Variants in RREB1 observed in about 807,000 individuals in gnomAD.
RREB1 encodes ras responsive element binding protein 1, also known as ras-responsive element-binding protein 1.
A neutral mutation model predicts 117.8 loss-of-function variants in RREB1; 27 were observed. That is an observed-to-expected ratio of 0.23 (90% confidence interval 0.17 to 0.32). The LOEUF is 0.32. Ranked by LOEUF, RREB1 falls within the 10% of genes least tolerant of loss-of-function variation. The probability of loss-of-function intolerance (pLI) is 1.00; values close to 1 mark genes in which losing one functional copy is unlikely to be tolerated. For missense variants in RREB1, 2,577 were observed against 2,378.2 expected (o/e 1.08, Z -1.74); for synonymous variants, 1,298 against 1,026.7 (o/e 1.26, Z -5.05).
At chr6:7,119,324 C>T (rs1010666187) in intron 1 of RREB1, among the ~76,000 whole-genome samples, 3 of 151,924 alleles carry the variant, frequency 2.0e-5, no homozygotes, top group African/African-American at 7.3e-5. Context: ...CGTTCCAGCT[C>T]GGGTGACAGA....
chr6:7,194,688 A>T (rs983720505), intron 6 of RREB1, among the ~76,000 whole-genome samples: 1 of 152,142 alleles, frequency 6.6e-6, no homozygotes, highest in Non-Finnish European at 1.5e-5. Flanking sequence ...AAATCTCTTA[A>T]ATTTTTGACA....
intron 1 of RREB1, among the ~76,000 whole-genome samples, chr6:7,132,355 G>A (rs1486304936): frequency 4.3e-5 from 5 of 117,572 alleles, no homozygotes; most frequent in African/African-American, 1.3e-4. Context: ...GTGCCCAGCC[G>A]AGATTGGGTT....
intron 11 of RREB1, among the ~76,000 whole-genome samples, chr6:7,240,921 G>C (rs1768668668): frequency 6.6e-6 from 1 of 152,156 alleles, no homozygotes; most frequent in Non-Finnish European, 1.5e-5. Context: ...GGGATGTATG[G>C]GAAGGCTTAC....
At chr6:7,217,954 G>T (rs3812172) in intron 8 of RREB1, 2 of 151,980 alleles carry the variant, frequency 1.3e-5, no homozygotes, top group African/African-American at 4.8e-5. Flanking sequence ...TCTAGTTTTC[G>T]CTTTTGTAAA....
chr6:7,173,961 G>C (rs1357427341), intron 1 of RREB1, among the ~76,000 whole-genome samples: 3 of 152,032 alleles, frequency 2.0e-5, no homozygotes, highest in Non-Finnish European at 4.4e-5. Context: ...CCCGGGGCTT[G>C]GGGGCTGGCC....
rs1195479865 is a variant in RREB1, at chr6:7,229,374, A to G, written c.1275A>G (p.Thr425=). 3.1e-6 allele frequency: 5 copies of G among 1,614,090 alleles called. No individual in the cohort carries two copies. In the East Asian group the frequency reaches 1.1e-4, roughly 36 times the overall value. Reference sequence around the variant, plus strand: ...CTGCTTCCCTAGGCGGTTCTCTCACAGTTCTCCCCGCGACCAAGGACAGCA... The same window carrying G: ...CTGCTTCCCTAGGCGGTTCTCTCACGGTTCTCCCCGCGACCAAGGACAGCA... ...FEAASLGGSL[T]VLPATKDSIK... The change falls in exon 10 of 13, where the codon ACA becomes ACG. Residue 425 remains threonine, a synonymous_variant. Coordinates refer to ENST00000379938, the MANE Select transcript of RREB1 (RefSeq NM_001003699.4). This position sits in a 1 kb window ranked among gnomAD's most constrained non-coding sequence, Gnocchi z 4.5.
chr6:7,194,684 C>T (rs909973706), intron 6 of RREB1, among the ~76,000 whole-genome samples: 29 of 152,164 alleles, frequency 1.9e-4, no homozygotes, highest in African/African-American at 6.5e-4. Flanking sequence ...GTGGAAATCT[C>T]TTAAATTTTT....
At chr6:7,140,156 G>A (rs971071389) in intron 1 of RREB1, among the ~76,000 whole-genome samples, 2 of 152,160 alleles carry the variant, frequency 1.3e-5, no homozygotes, top group African/African-American at 4.8e-5. Flanking sequence ...GCCACACGGC[G>A]TCTTTGCCAG....
At chr6:7,232,056 T>C (rs943663672) in intron 10 of RREB1, 149 bp downstream of exon 10, 2 of 805,432 alleles carry the variant, frequency 2.5e-6, no homozygotes, top group African/African-American at 3.5e-5. Context: ...CGAGCTTGTC[T>C]GGTGGTGCTG....
At chr6:7,132,821 GTAAGTGAC>G (rs1762207292) in intron 1 of RREB1, among the ~76,000 whole-genome samples, 1 of 106,590 alleles carries the variant, frequency 9.4e-6, no homozygotes, top group African/African-American at 2.9e-5. Context: ...TCAACATTCA[GTAAGTGAC>G]TGTGTTTGTT....
Position 7,231,117 on chromosome 6 carries a change from G to A in RREB1, c.3018G>A (p.Gln1006=). 1 of 1,612,820 alleles carries A rather than the reference G, an allele frequency of 6.2e-7. No homozygotes were observed. The highest frequency in any genetic ancestry group is 8.5e-7 in the Non-Finnish European group (1 of 1,179,950). ...CGGCCACCCCGGAACCCCCAGCACA[G>A]CCCCTGCAGGGCCCTGTTCAGCTGG... is the stretch of plus-strand genomic sequence containing the variant. ...APAATPEPPA[Q]PLQGPVQLAV... The change falls in exon 10 of 13, where the codon CAG becomes CAA. Residue 1006 remains glutamine (Q), a synonymous_variant. Coordinates refer to ENST00000379938, the MANE Select transcript of RREB1 (RefSeq NM_001003699.4).
chr6:7,179,685 TTG>T lies in RREB1; in HGVS notation c.-165-1433_-165-1432del, dbSNP rs572335238. On this transcript the variant is annotated intron_variant, in intron 2 of 12. Transcript: ENST00000379938. ...TTTTTAGTAGTCCATTAAGAAAAAATTGTGTGTACACACTCATGTATGCACTT... is the reference window on the plus strand; with the variant it reads ...TTTTTAGTAGTCCATTAAGAAAAAATTGTGTACACACTCATGTATGCACTT... 3.5e-3 allele frequency among the ~76,000 whole-genome samples: 534 copies of T among 152,318 alleles called. 5 individuals carry two copies. Among genetic ancestry groups the T allele is most frequent in the Non-Finnish European group, 4.1e-3 (276 of 68,026 alleles).
intron 8 of RREB1, among the ~76,000 whole-genome samples, chr6:7,222,880 C>G (rs1285345471): frequency 6.6e-6 from 1 of 152,132 alleles, no homozygotes; most frequent in African/African-American, 2.4e-5. Flanking sequence ...ATTCTCCATT[C>G]CCTTCATAAA....
At chr6:7,238,163 T>G (rs1405261441) in intron 10 of RREB1, among the ~76,000 whole-genome samples, 1 of 152,250 alleles carries the variant, frequency 6.6e-6, no homozygotes, top group African/African-American at 2.4e-5. Flanking sequence ...CAATAAAATG[T>G]TAAAAGTACT....
In RREB1 at chr6:7,248,953, C is replaced by T. The variant is rs886371948; in HGVS notation, c.5214C>T (p.Leu1738=). ...ILATADGASQ[L]VGME Reference sequence around the variant, plus strand: ...CCACAGCTGATGGCGCCTCCCAGCTCGTGGGGATGGAGTGACAGCCTCAGT... The same window carrying T: ...CCACAGCTGATGGCGCCTCCCAGCTTGTGGGGATGGAGTGACAGCCTCAGT... The change falls in exon 13 of 13, where the codon CTC becomes CTT. Residue 1738 remains leucine, a synonymous_variant. Coordinates refer to ENST00000379938, the MANE Select transcript of RREB1 (RefSeq NM_001003699.4). The T allele has an allele frequency of 8.1e-6, 12 of 1,486,836 alleles. No individual in the cohort carries two copies. The highest frequency in any genetic ancestry group is 1.1e-5 in the Non-Finnish European group (12 of 1,121,496). The allele number at this position is 1,486,836 out of a possible 1,614,324, so 92.1% of individuals were successfully genotyped here.
chr6:7,138,770 A>G (rs1439761836), intron 1 of RREB1, among the ~76,000 whole-genome samples: 2 of 152,264 alleles, frequency 1.3e-5, no homozygotes, highest in Non-Finnish European at 2.9e-5. Context: ...TGATTGTTTC[A>G]TGGGAGCAAT....
chr6:7,203,476 C>A (rs1766098860), intron 6 of RREB1, among the ~76,000 whole-genome samples: 1 of 152,208 alleles, frequency 6.6e-6, no homozygotes. Flanking sequence ...AGAAAAGGAA[C>A]TGCTCTCTCC....
chr6:7,172,376 T>G (rs1201740769), intron 1 of RREB1, among the ~76,000 whole-genome samples: 3 of 152,066 alleles, frequency 2.0e-5, no homozygotes, highest in Admixed American at 2.0e-4. Context: ...TTGTCTTGAA[T>G]GTGGCCTGTA....
At chr6:7,191,700 C>G in intron 6 of RREB1, among the ~76,000 whole-genome samples, 1 of 152,100 alleles carries the variant, frequency 6.6e-6, no homozygotes, top group East Asian at 1.9e-4. Context: ...AAATTTATTT[C>G]TAAGTATTTT....
Sources: gnomAD v4.1 joint callset for allele counts (sites outside exome capture counted in the v4.1 genomes callset) on GRCh38, gnomAD v4.1.1 for gene constraint, Gnocchi (gnomAD v3.1) non-coding constraint, MANE v1.5 for transcripts, NCBI Gene and HGNC (gene_info 2026-07-23, HGNC 2026-07-21) for gene names.